The following NFIB variants were observed in gnomAD, a reference collection of about 807,000 sequenced individuals.
NFIB encodes nuclear factor I B.
NFIB carries 11 observed loss-of-function variants against 61.5 expected under a neutral mutation model. The ratio of observed to expected loss-of-function variants is 0.18; its 90% confidence interval spans 0.11 to 0.30. The LOEUF (loss-of-function observed/expected upper bound fraction) is 0.30. NFIB is among the 10% of genes least tolerant of loss of function. NFIB has a pLI of 1.00. For missense variants in NFIB, 471 were observed against 608.9 expected (o/e 0.77, Z 2.38); for synonymous variants, 260 against 216.5 (o/e 1.20, Z -1.76).
At chr9:14,347,957 G>A (rs1057269046) in intron 1 of NFIB, among the ~76,000 whole-genome samples, 1 of 152,160 alleles carries the variant, frequency 6.6e-6, no homozygotes, top group East Asian at 1.9e-4. Flanking sequence ...TCTGGTCTCC[G>A]CGCACCACGT....
At chr9:14,221,761 G>A (rs1296587939) in intron 2 of NFIB, among the ~76,000 whole-genome samples, 1 of 152,212 alleles carries the variant, frequency 6.6e-6, no homozygotes, top group Non-Finnish European at 1.5e-5. Flanking sequence ...TAGTATAATT[G>A]AGCAAGCTGC....
At chr9:14,157,178 G>C (rs953489744) in intron 3 of NFIB, among the ~76,000 whole-genome samples, 15 of 152,132 alleles carry the variant, frequency 9.9e-5, no homozygotes, top group Non-Finnish European at 1.3e-4. Context: ...AACAAATTAA[G>C]ATCTTAGGGC....
At chr9:14,150,683 T>C (rs561045177) in intron 4 of NFIB, among the ~76,000 whole-genome samples, 1 of 152,022 alleles carries the variant, frequency 6.6e-6, no homozygotes, top group African/African-American at 2.4e-5. Flanking sequence ...GTTAAATAAA[T>C]AAACAGAGAA....
intron 2 of NFIB, among the ~76,000 whole-genome samples, chr9:14,223,093 G>A (rs567215106): frequency 6.6e-6 from 1 of 152,228 alleles, no homozygotes; most frequent in South Asian, 2.1e-4. Flanking sequence ...ATCTCATAAC[G>A]TTTTAAGAGA....
At chr9:14,160,479 G>A (rs2044028625) in intron 3 of NFIB, among the ~76,000 whole-genome samples, 1 of 152,066 alleles carries the variant, frequency 6.6e-6, no homozygotes, top group Non-Finnish European at 1.5e-5. Context: ...ATTCATGAAA[G>A]CCGTCTTCAA....
intron 2 of NFIB, chr9:14,204,963 A>G: frequency 3.0e-6 from 1 of 330,304 alleles, no homozygotes. Context: ...TGGGGAGGCA[A>G]TGTCCTGGGT....
chr9:14,143,302 T>C (rs762157624), intron 6 of NFIB, among the ~76,000 whole-genome samples: 2 of 152,040 alleles, frequency 1.3e-5, no homozygotes, highest in Non-Finnish European at 2.9e-5. Context: ...TTTGTGTTAA[T>C]ATTTTGCCTG....
chr9:14,506,619 T>C, the NFIB span, among the ~76,000 whole-genome samples: 5 of 152,220 alleles, frequency 3.3e-5, no homozygotes, highest in African/African-American at 9.6e-5. Flanking sequence ...TACCTACATA[T>C]TGAAAATGTG....
intron 2 of NFIB, among the ~76,000 whole-genome samples, chr9:14,262,898 A>C (rs1311058925): frequency 1.3e-5 from 2 of 152,098 alleles, no homozygotes; most frequent in Non-Finnish European, 2.9e-5. Context: ...AAAGGCTCCC[A>C]TTTTAGAGGC....
chr9:14,360,773 T>C (rs1235901961), intron 1 of NFIB, among the ~76,000 whole-genome samples: 1 of 152,122 alleles, frequency 6.6e-6, no homozygotes, highest in Non-Finnish European at 1.5e-5. Context: ...CTCGATCTCC[T>C]GACCTCGTCA....
At chr9:14,509,249 T>C in the NFIB span, among the ~76,000 whole-genome samples, 293 of 151,484 alleles carry the variant, frequency 1.9e-3, 3 homozygotes, top group African/African-American at 6.8e-3. Context: ...ATGTCAGTTG[T>C]GTGCTAATTA....
chr9:14,455,545 G>C, the NFIB span, among the ~76,000 whole-genome samples: 1 of 152,094 alleles, frequency 6.6e-6, no homozygotes, highest in East Asian at 1.9e-4. Flanking sequence ...AAAACTTGTG[G>C]ATTAGGGAAA....
the NFIB span, among the ~76,000 whole-genome samples, chr9:14,471,248 G>A: frequency 2.0e-5 from 3 of 152,192 alleles, no homozygotes; most frequent in Non-Finnish European, 4.4e-5. Flanking sequence ...TCACATCACT[G>A]ATGTTACGCA....
At chr9:14,382,361 A>AGAGG (rs1289051212) in intron 1 of NFIB, among the ~76,000 whole-genome samples, 1 of 151,688 alleles carries the variant, frequency 6.6e-6, no homozygotes, top group South Asian at 2.1e-4. Flanking sequence ...AGAGAGAGAG[A>AGAGG]GAGGGAGAGA....
intron 2 of NFIB, among the ~76,000 whole-genome samples, chr9:14,225,786 C>T (rs1052869335): frequency 2.0e-5 from 3 of 151,990 alleles, no homozygotes; most frequent in South Asian, 2.1e-4. Context: ...GAAAAAAAAT[C>T]CAGAAATACA....
rs370601331 is a variant in NFIB, at chr9:14,292,859, A to G, written c.562+14130T>C. 8.5e-5 allele frequency among the ~76,000 whole-genome samples: 13 copies of G among 152,362 alleles called. No individual in the cohort carries two copies. In the East Asian group the frequency reaches 2.5e-3, roughly 29 times the overall value. On this transcript the variant is annotated intron_variant, in intron 2 of 10. Transcript: ENST00000380953. Reference sequence around the variant, plus strand: ...TTCAGAAACTTACATTTCAAAGTACATTAAGTAAAATTATGTCCATACGCA... The same window carrying G: ...TTCAGAAACTTACATTTCAAAGTACGTTAAGTAAAATTATGTCCATACGCA...
chr9:14,357,062 G>A (rs1182643525), intron 1 of NFIB: 1 of 152,148 alleles, frequency 6.6e-6, no homozygotes, highest in Non-Finnish European at 1.5e-5. Context: ...ATCCCTCAGG[G>A]GAATGAGTGA....
intron 1 of NFIB, among the ~76,000 whole-genome samples, chr9:14,397,576 A>G (rs1212916972): frequency 6.6e-6 from 1 of 152,214 alleles, no homozygotes; most frequent in East Asian, 1.9e-4. Context: ...TATCTGGCCC[A>G]AAACTAAGGA....
the NFIB span, among the ~76,000 whole-genome samples, chr9:14,531,588 C>T: frequency 6.6e-6 from 1 of 151,606 alleles, no homozygotes; most frequent in South Asian, 2.1e-4. Flanking sequence ...AATGCAAGAA[C>T]AATTAGCCAA....
Sources: gnomAD v4.1 joint callset for allele counts (sites outside exome capture counted in the v4.1 genomes callset) on GRCh38, gnomAD v4.1.1 for gene constraint, MANE v1.5 for transcripts, NCBI Gene and HGNC (gene_info 2026-07-23, HGNC 2026-07-21) for gene names.